Variants in SLCO2A1 observed in about 807,000 individuals in gnomAD.
SLCO2A1 encodes the protein solute carrier organic anion transporter family member 2A1.
Under a neutral mutation model 71.7 loss-of-function variants are expected in SLCO2A1, and 60 were observed. The observed-to-expected ratio is 0.84, with a 90% confidence interval of 0.68 to 1.04. The LOEUF is 1.04. SLCO2A1 is among the 50% of genes least tolerant of loss of function. The pLI, the probability that SLCO2A1 is intolerant of heterozygous loss-of-function variation, is 0.00. For synonymous variants in SLCO2A1, 308 were observed against 326.7 expected (o/e 0.94, Z 0.62); for missense variants, 745 against 813.4 (o/e 0.92, Z 1.02).
At chr3:134,026,299 G>C (rs756594419) in intron 1 of SLCO2A1, among the ~76,000 whole-genome samples, 1 of 151,420 alleles carries the variant, frequency 6.6e-6, no homozygotes, top group African/African-American at 2.4e-5. Flanking sequence ...GTTGCAAACC[G>C]TGTGGACCCA....
At chr3:134,009,967 C>T (rs2108074023) in intron 1 of SLCO2A1, among the ~76,000 whole-genome samples, 1 of 152,318 alleles carries the variant, frequency 6.6e-6, no homozygotes, top group Non-Finnish European at 1.5e-5. Context: ...GTGGGCAATG[C>T]ATACCTCACA....
At chr3:133,980,018 T>C (rs1934551087) in intron 1 of SLCO2A1, among the ~76,000 whole-genome samples, 1 of 152,138 alleles carries the variant, frequency 6.6e-6, no homozygotes, top group African/African-American at 2.4e-5. Flanking sequence ...CTGTGCCCTG[T>C]GAGGGCTGAA....
intron 9 of SLCO2A1, among the ~76,000 whole-genome samples, chr3:133,945,506 T>C (rs1933551799): frequency 1.3e-5 from 2 of 152,190 alleles, no homozygotes; most frequent in Non-Finnish European, 2.9e-5. Flanking sequence ...AATTATGCTC[T>C]GGGAAGGCCT....
chr3:134,007,373 A>T (rs1935243335), intron 1 of SLCO2A1, among the ~76,000 whole-genome samples: 1 of 152,188 alleles, frequency 6.6e-6, no homozygotes, highest in South Asian at 2.1e-4. Context: ...TTTCAGTATC[A>T]TATCCAAGAA....
chr3:133,951,098 C>T (rs1171986451), intron 6 of SLCO2A1, 110 bp downstream of exon 6: 4 of 1,434,204 alleles, frequency 2.8e-6, no homozygotes, highest in Non-Finnish European at 3.9e-6. Flanking sequence ...GTTTAGATTT[C>T]ACCCTGAATT....
chr3:133,941,675 G>A (rs1041647627), intron 11 of SLCO2A1, among the ~76,000 whole-genome samples: 2 of 152,152 alleles, frequency 1.3e-5, no homozygotes, highest in African/African-American at 4.8e-5. Context: ...CAGCTGTAAC[G>A]GGACACCCCG....
At chr3:134,023,132 A>G (rs1935624286) in intron 1 of SLCO2A1, among the ~76,000 whole-genome samples, 1 of 151,864 alleles carries the variant, frequency 6.6e-6, no homozygotes. Context: ...AAACAAACAA[A>G]CAAACAAACA....
chr3:133,984,150 T>G (rs527741454), intron 1 of SLCO2A1, among the ~76,000 whole-genome samples: 2 of 152,172 alleles, frequency 1.3e-5, no homozygotes, highest in Non-Finnish European at 2.9e-5. Context: ...ACTTCTCCAG[T>G]TGTCTCATGA....
Position 133,952,409 on chromosome 3 carries a change from C to G in SLCO2A1, c.725-1065G>C, listed in dbSNP as rs115577385. 1.9e-3 allele frequency among the ~76,000 whole-genome samples: 296 copies of G among 152,336 alleles called. 1 individual carries two copies. The highest frequency in any genetic ancestry group is 6.7e-3 in the African/African-American group (279 of 41,586). On this transcript the variant is annotated intron_variant, in intron 5 of 13. Transcript: ENST00000310926. Reference sequence around the variant, plus strand: ...CAGGGCAGTGGTGGGAGTGCTCTTCCTGGAGTCTGGCTCAGTCCTGCCTTT... The same window carrying G: ...CAGGGCAGTGGTGGGAGTGCTCTTCGTGGAGTCTGGCTCAGTCCTGCCTTT...
intron 1 of SLCO2A1, among the ~76,000 whole-genome samples, chr3:134,009,570 A>G (rs557165119): frequency 5.4e-4 from 83 of 152,384 alleles, no homozygotes; most frequent in Admixed American, 7.2e-4. Flanking sequence ...TTAGAAATCA[A>G]GAGTTTAAGC....
intron 1 of SLCO2A1, among the ~76,000 whole-genome samples, chr3:133,982,610 C>A (rs1274568650): frequency 1.3e-5 from 2 of 152,080 alleles, no homozygotes; most frequent in East Asian, 3.9e-4. Context: ...TCTTGATGTC[C>A]CTCCTCCTCA....
intron 7 of SLCO2A1, 96 bp downstream of exon 7, chr3:133,948,797 C>G: frequency 6.3e-7 from 1 of 1,591,744 alleles, no homozygotes; most frequent in African/African-American, 1.3e-5. Context: ...CCTACTGTCC[C>G]TTACCGCACA....
chr3:133,948,072 T>C (rs1460514148), intron 8 of SLCO2A1, among the ~76,000 whole-genome samples: 1 of 152,172 alleles, frequency 6.6e-6, no homozygotes, highest in East Asian at 1.9e-4. Flanking sequence ...GCATCTGTGT[T>C]TTGTAAAGCT....
intron 3 of SLCO2A1, among the ~76,000 whole-genome samples, chr3:133,968,691 T>C (rs1017154719): frequency 6.6e-6 from 1 of 152,220 alleles, no homozygotes; most frequent in East Asian, 1.9e-4. Context: ...CATTCACAGG[T>C]TACACCTAGT....
intron 1 of SLCO2A1, among the ~76,000 whole-genome samples, chr3:133,997,992 C>A (rs1935010929): frequency 6.6e-6 from 1 of 152,158 alleles, no homozygotes; most frequent in African/African-American, 2.4e-5. Context: ...CTCACGGTGC[C>A]GGGGAGGTGC....
At chr3:133,951,644 ACT>A (rs1933749867) in intron 5 of SLCO2A1, among the ~76,000 whole-genome samples, 2 of 152,116 alleles carry the variant, frequency 1.3e-5, no homozygotes, top group South Asian at 4.2e-4. Context: ...AAGGGAGCTG[ACT>A]CTCACTCACA....
Position 133,956,345 on chromosome 3 carries a change from T to A in SLCO2A1, c.398-1152A>T, listed in dbSNP as rs542774378. On this transcript the variant is annotated intron_variant, in intron 3 of 13. Transcript: ENST00000310926. ...TGGGGAGAGGGGTCTGTGCTCTTCA[T>A]TGCCCTTTCCCCTCTCCCCAGTCGC... Among the ~76,000 whole-genome samples the A allele has an allele frequency of 2.0e-5, 3 of 152,274 alleles. 1 individual carries two copies. The South Asian group carries it at 6.2e-4, about 32-fold the overall frequency.
Position 133,993,241 on chromosome 3 carries a change from G to A in SLCO2A1, c.97-13623C>T, listed in dbSNP as rs147738661. Among the ~76,000 whole-genome samples the A allele has an allele frequency of 3.7e-4, 57 of 152,200 alleles. No homozygotes were observed. In the East Asian group the frequency reaches 5.6e-3, roughly 15 times the overall value. On this transcript the variant is annotated intron_variant, in intron 1 of 13. Transcript: ENST00000310926. ...TGCCAGTGCCGAAGCGACCAGCTAG[G>A]TCCAGTTCCCGTGCACTCCAGTTCC...
chr3:133,947,374 A>G lies in SLCO2A1; in HGVS notation c.1177T>C (p.Ser393Pro). ...GGILMKRFVFSLQAIPRIATT... is the reference protein window; with the variant it reads ...GGILMKRFVFPLQAIPRIATT... ...GCTATGCGGGGAATGGCTTGTAGAG[A>G]GAAAACAAAGCGCTTCATGAGGATT... Residue 393 changes from serine (S) to proline (P), a missense_variant, in exon 9 of 14, where the codon TCT becomes CCT. Physicochemically the swap from Ser to Pro is moderately conservative, Grantham distance 74 (BLOSUM62 -1). Transcript: ENST00000310926. 4.3e-6 allele frequency: 7 copies of G among 1,614,072 alleles called. No homozygotes were observed. Among genetic ancestry groups the G allele is most frequent in the Non-Finnish European group, 5.9e-6 (7 of 1,180,026 alleles).
Sources: gnomAD v4.1 joint callset for allele counts (sites outside exome capture counted in the v4.1 genomes callset) on GRCh38, gnomAD v4.1.1 for gene constraint, MANE v1.5 for transcripts, NCBI Gene and HGNC (gene_info 2026-07-23, HGNC 2026-07-21) for gene names.